Variants in CHST11 observed in about 807,000 individuals in gnomAD.
The protein encoded by CHST11 is carbohydrate sulfotransferase 11, also known as C4S-1.
In CHST11, 9 loss-of-function variants were observed where a neutral mutation model predicts 30.4. The observed-to-expected ratio is 0.30, with a 90% confidence interval of 0.18 to 0.52. CHST11 has a LOEUF of 0.52. CHST11 is among the 20% of genes least tolerant of loss of function. The pLI is 0.97. For synonymous variants in CHST11, 152 were observed against 187.8 expected, an observed-to-expected ratio of 0.81 and a Z score of 1.56; for missense variants, 348 against 460.6, an observed-to-expected ratio of 0.76 and a Z score of 2.24.
In CHST11 at chr12:104,576,864, C is replaced by T. The variant is rs962236483; in HGVS notation, c.119-25042C>T. Among the ~76,000 whole-genome samples, 6 of 152,226 alleles carry T rather than the reference C, an allele frequency of 3.9e-5. No individual in the cohort carries two copies. The East Asian group carries it at 1.2e-3, about 29-fold the overall frequency. ...GCGCTGAGGGACATTCACGTTCCTC[C>T]AACATTCATGTTGCCATTAAGGGAT... is the stretch of plus-strand genomic sequence containing the variant. On this transcript the variant is annotated intron_variant, in intron 1 of 2. Coordinates refer to ENST00000303694, the MANE Select transcript of CHST11 (RefSeq NM_018413.6).
intron 2 of CHST11, among the ~76,000 whole-genome samples, chr12:104,642,083 G>A (rs762108122): frequency 1.3e-5 from 2 of 152,162 alleles, no homozygotes; most frequent in Admixed American, 6.5e-5. Flanking sequence ...GATCCTGTAC[G>A]TCATTAGTGA....
At chr12:104,664,085 A>G (rs1344094903) in intron 2 of CHST11, among the ~76,000 whole-genome samples, 3 of 152,220 alleles carry the variant, frequency 2.0e-5, no homozygotes, top group African/African-American at 7.2e-5. Flanking sequence ...TATCTAGCAG[A>G]TAATTCCTCC....
chr12:104,699,029 T>G (rs12228186), intron 2 of CHST11, among the ~76,000 whole-genome samples: 5,430 of 152,344 alleles, frequency 0.036, 288 homozygotes, highest in East Asian at 0.28. Context: ...AATAAATGAC[T>G]CGGCTGCATT....
At position 104,758,793 on chromosome 12, in the gene CHST11, G is replaced by T. The variant is rs1198252537; in HGVS notation, c.*990G>T. ...CCCATATTTGAAAACCTCACATTCG[G>T]AGCAGGCCACTTTATATTCGTGAGT... On this transcript the variant is annotated 3_prime_UTR_variant, in exon 3 of 3. Transcript: ENST00000303694. The T allele has an allele frequency of 6.6e-6, 1 of 152,112 alleles. No homozygotes were observed. The highest frequency in any genetic ancestry group is 2.4e-5 in the African/African-American group (1 of 41,404). 9.4% of individuals were successfully genotyped at this position (152,112 alleles called of 1,614,324 possible).
chr12:104,646,345 C>G (rs2039430242), intron 2 of CHST11, among the ~76,000 whole-genome samples: 1 of 152,218 alleles, frequency 6.6e-6, no homozygotes, highest in South Asian at 2.1e-4. Context: ...CAGACCTTGT[C>G]TTAAATGTTG....
At chr12:104,607,067 A>AAAAT (rs912926434) in intron 2 of CHST11, among the ~76,000 whole-genome samples, 10 of 152,062 alleles carry the variant, frequency 6.6e-5, no homozygotes, top group African/African-American at 1.9e-4. Context: ...TCAAAAAATA[A>AAAAT]AAATAAATAA....
intron 1 of CHST11, among the ~76,000 whole-genome samples, chr12:104,582,038 T>C (rs969230328): frequency 1.3e-5 from 2 of 152,168 alleles, no homozygotes; most frequent in Non-Finnish European, 2.9e-5. Flanking sequence ...GCATCATCAT[T>C]CTATCCTTAT....
At chr12:104,623,965 A>G (rs2039186793) in intron 2 of CHST11, among the ~76,000 whole-genome samples, 1 of 152,294 alleles carries the variant, frequency 6.6e-6, no homozygotes, top group Admixed American at 6.5e-5. Flanking sequence ...GCAAATGAAC[A>G]GAATGACCAT....
intron 2 of CHST11, among the ~76,000 whole-genome samples, chr12:104,613,725 C>T (rs1273952092): frequency 3.3e-5 from 5 of 152,192 alleles, no homozygotes; most frequent in African/African-American, 1.2e-4. Context: ...GTAAATTACT[C>T]AGTCTCAGGT....
intron 1 of CHST11, among the ~76,000 whole-genome samples, chr12:104,470,638 A>C (rs963458132): frequency 1.2e-4 from 19 of 152,248 alleles, no homozygotes; most frequent in African/African-American, 4.6e-4. Flanking sequence ...CTTGCTCTGT[A>C]TCAAACAGTA....
chr12:104,479,292 G>A (rs184378455), intron 1 of CHST11, among the ~76,000 whole-genome samples: 5 of 152,124 alleles, frequency 3.3e-5, no homozygotes, highest in East Asian at 1.9e-4. Context: ...GGCTGCCTGC[G>A]GTTCCAGCCT....
intron 1 of CHST11, among the ~76,000 whole-genome samples, chr12:104,481,068 G>A (rs553907624): frequency 2.0e-5 from 3 of 152,152 alleles, no homozygotes; most frequent in Non-Finnish European, 4.4e-5. Flanking sequence ...TCTCTGTGCC[G>A]TACTTTCCAG....
intron 1 of CHST11, among the ~76,000 whole-genome samples, chr12:104,573,465 C>T (rs1379744421): frequency 6.6e-6 from 1 of 151,980 alleles, no homozygotes; most frequent in Admixed American, 6.5e-5. Context: ...AACTATACTA[C>T]AAGGCTACAG....
At chr12:104,566,135 G>A (rs193057945) in intron 1 of CHST11, among the ~76,000 whole-genome samples, 23 of 152,312 alleles carry the variant, frequency 1.5e-4, no homozygotes, top group Admixed American at 9.8e-4. Flanking sequence ...TTCTCTGGCC[G>A]TGTGATGTTC....
intron 2 of CHST11, among the ~76,000 whole-genome samples, chr12:104,724,820 T>C (rs1190231049): frequency 6.6e-6 from 1 of 152,212 alleles, no homozygotes; most frequent in African/African-American, 2.4e-5. Context: ...CCAGTTAATA[T>C]TGAATTTCAG....
At chr12:104,706,993 C>T (rs1198472822) in intron 2 of CHST11, among the ~76,000 whole-genome samples, 1 of 152,170 alleles carries the variant, frequency 6.6e-6, no homozygotes, top group African/African-American at 2.4e-5. Context: ...AAATACGGGA[C>T]AGTCGTCCTC....
intron 2 of CHST11, among the ~76,000 whole-genome samples, chr12:104,686,157 C>A (rs541952881): frequency 6.9e-6 from 1 of 144,976 alleles, no homozygotes; most frequent in East Asian, 2.2e-4. Context: ...CGCTGGAGCC[C>A]GAGTTTGGAG....
At chr12:104,599,647 G>A (rs1161428412) in intron 1 of CHST11, among the ~76,000 whole-genome samples, 1 of 152,152 alleles carries the variant, frequency 6.6e-6, no homozygotes, top group African/African-American at 2.4e-5. Flanking sequence ...TCTCTGTACA[G>A]CCTGATCAAA....
chr12:104,696,246 T>C (rs312142), intron 2 of CHST11, among the ~76,000 whole-genome samples: 48,456 of 151,682 alleles, frequency 0.32, 7,838 homozygotes, highest in Non-Finnish European at 0.37. Context: ...CAGCAGATGA[T>C]ATAATAAACA....
Sources: gnomAD v4.1 joint callset for allele counts (sites outside exome capture counted in the v4.1 genomes callset) on GRCh38, gnomAD v4.1.1 for gene constraint, MANE v1.5 for transcripts, NCBI Gene and HGNC (gene_info 2026-07-23, HGNC 2026-07-21) for gene names.